The following GNG7 variants were observed in gnomAD, a reference collection of about 807,000 sequenced individuals.
GNG7 encodes guanine nucleotide-binding protein G(I)/G(S)/G(O) subunit gamma-7.
Under a neutral mutation model 4.0 loss-of-function variants are expected in GNG7, and 1 was observed. That is an observed-to-expected ratio of 0.25 (90% CI 0.09 to 1.18). The LOEUF is 1.18. GNG7 is among the 50% of genes most tolerant of loss of function. The pLI is 0.50. For synonymous variants in GNG7, 34 were observed against 36.9 expected (o/e 0.92, Z 0.29); for missense variants, 86 against 91.9 (o/e 0.94, Z 0.26).
chr19:2,596,135 G>A (rs1024606753), intron 2 of GNG7, among the ~76,000 whole-genome samples: 1 of 152,258 alleles, frequency 6.6e-6, no homozygotes, highest in East Asian at 1.9e-4. Flanking sequence ...GAGGCGGGCG[G>A]ATCACCTGAG....
At chr19:2,652,787 G>T (rs1047077374) in intron 1 of GNG7, among the ~76,000 whole-genome samples, 2 of 151,876 alleles carry the variant, frequency 1.3e-5, no homozygotes, top group Non-Finnish European at 2.9e-5. Context: ...ACCAGCTAAA[G>T]ATATTGTACT....
intron 2 of GNG7, among the ~76,000 whole-genome samples, chr19:2,586,379 G>A (rs537018562): frequency 2.0e-5 from 3 of 152,290 alleles, no homozygotes; most frequent in African/African-American, 4.8e-5. Context: ...TTCCCATTCC[G>A]CTCAGCAGGC....
At chr19:2,677,853 G>A (rs1983632695) in intron 1 of GNG7, among the ~76,000 whole-genome samples, 1 of 152,172 alleles carries the variant, frequency 6.6e-6, no homozygotes, top group Non-Finnish European at 1.5e-5. Context: ...ACGCTGCTCA[G>A]CACCCTACAG....
At chr19:2,613,356 C>A (rs539899457) in intron 2 of GNG7, among the ~76,000 whole-genome samples, 1 of 152,190 alleles carries the variant, frequency 6.6e-6, no homozygotes. Flanking sequence ...ATTGGAAGAG[C>A]AGGTGTCTAC....
chr19:2,604,405 A>AG (rs1424543521), intron 2 of GNG7, among the ~76,000 whole-genome samples: 1 of 148,984 alleles, frequency 6.7e-6, no homozygotes, highest in African/African-American at 2.5e-5. Flanking sequence ...CAGGAAGTCG[A>AG]GGCTGCAGTG....
Position 2,568,550 on chromosome 19 carries a change from TATATACACAC to T in GNG7, c.-77-13372_-77-13363del, listed in dbSNP as rs1183014170. ...GTGCACATATACACACATACACATA[TATATACACAC>T]ATATACACACATACACATGCACAAA... On this transcript the variant is annotated intron_variant, in intron 2 of 4. Transcript: ENST00000382159. Among the ~76,000 whole-genome samples, 19 of 147,108 alleles carry T rather than the reference TATATACACAC, an allele frequency of 1.3e-4. No individual in the cohort carries two copies. In the East Asian group the frequency reaches 3.8e-3, roughly 29 times the overall value.
intron 2 of GNG7, among the ~76,000 whole-genome samples, chr19:2,631,626 G>A (rs1454715510): frequency 1.3e-5 from 2 of 151,636 alleles, no homozygotes; most frequent in Non-Finnish European, 2.9e-5. Flanking sequence ...TACAAACAGG[G>A]AGTGGAGGGG....
intron 2 of GNG7, among the ~76,000 whole-genome samples, chr19:2,563,087 G>GGCGCCCACCACC (rs1460328445): frequency 6.6e-5 from 10 of 151,868 alleles, no homozygotes. Context: ...TGGGACTACA[G>GGCGCCCACCACC]GCGCCCACCA....
chr19:2,577,603 A>G (rs997887497), intron 2 of GNG7, among the ~76,000 whole-genome samples: 1 of 151,082 alleles, frequency 6.6e-6, no homozygotes, highest in African/African-American at 2.4e-5. Context: ...TGGGAGGCTG[A>G]GGCAGGAAAA....
intron 3 of GNG7, among the ~76,000 whole-genome samples, chr19:2,544,547 C>T (rs1418685133): frequency 6.6e-6 from 1 of 152,182 alleles, no homozygotes; most frequent in Non-Finnish European, 1.5e-5. Flanking sequence ...ACCCCCACCA[C>T]GCCCAGCTAA....
intron 1 of GNG7, among the ~76,000 whole-genome samples, chr19:2,650,254 C>T (rs1396030930): frequency 6.8e-5 from 10 of 147,940 alleles, no homozygotes; most frequent in African/African-American, 2.5e-4. Flanking sequence ...GGCACGATCT[C>T]GGCTCACGGC....
intron 3 of GNG7, among the ~76,000 whole-genome samples, chr19:2,554,912 G>A (rs1467169325): frequency 6.6e-6 from 1 of 152,210 alleles, no homozygotes; most frequent in East Asian, 1.9e-4. Context: ...CCTGCAAAAC[G>A]GAGAACGTCA....
At chr19:2,545,294 G>A (rs984478090) in intron 3 of GNG7, among the ~76,000 whole-genome samples, 38 of 152,156 alleles carry the variant, frequency 2.5e-4, no homozygotes, top group Non-Finnish European at 4.7e-4. Context: ...CCACCTCAGA[G>A]AACAATCTGG....
At chr19:2,657,399 T>TATACATAC (rs1332253018) in intron 1 of GNG7, among the ~76,000 whole-genome samples, 1 of 80,748 alleles carries the variant, frequency 1.2e-5, no homozygotes, top group African/African-American at 6.2e-5. Flanking sequence ...TATATATATA[T>TATACATAC]ACACATAATA....
At chr19:2,535,970 A>G (rs1395349321) in intron 3 of GNG7, among the ~76,000 whole-genome samples, 2 of 152,058 alleles carry the variant, frequency 1.3e-5, no homozygotes, top group Admixed American at 1.3e-4. Flanking sequence ...TACAAAAATA[A>G]GAAAATTAAC....
intron 1 of GNG7, among the ~76,000 whole-genome samples, chr19:2,676,565 T>A (rs1983598125): frequency 6.6e-6 from 1 of 152,102 alleles, no homozygotes; most frequent in Non-Finnish European, 1.5e-5. Context: ...GCGCGCACCA[T>A]CATGCTTGCC....
intron 2 of GNG7, among the ~76,000 whole-genome samples, chr19:2,607,401 C>T (rs11084947): frequency 0.78 from 117,059 of 150,390 alleles, 47,194 homozygotes; most frequent in Non-Finnish European, 0.89. Context: ...TGATGGCAGG[C>T]GCCTGTTATC....
intron 2 of GNG7, among the ~76,000 whole-genome samples, chr19:2,636,592 T>C (rs1297543395): frequency 6.6e-6 from 1 of 152,152 alleles, no homozygotes; most frequent in African/African-American, 2.4e-5. Flanking sequence ...GTGCATTCCC[T>C]GACTGCCTTA....
In GNG7 at chr19:2,557,012, T is replaced by C. The variant is rs1443741475; in HGVS notation, c.-77-1824A>G. Among the ~76,000 whole-genome samples the C allele has an allele frequency of 1.7e-5, 2 of 118,048 alleles. No individual in the cohort carries two copies. The highest frequency in any genetic ancestry group is 2.3e-4 in the East Asian group (1 of 4,320). The allele number at this position is 118,048 out of a possible 152,430, so 77.4% of individuals were successfully genotyped here. A position where few individuals can be genotyped will look rare whatever the true frequency, so the allele number is the denominator to read the frequency against. On this transcript the variant is annotated intron_variant, in intron 2 of 4. Transcript: ENST00000382159. The surrounding 1 kb of genome is among the most constrained non-coding windows in gnomAD (Gnocchi z 5.1). ...GGGGGGCTGCCTCCCCTCCCACCTC[T>C]ACACACACACACGCACACACAGACA...
Sources: gnomAD v4.1 joint callset for allele counts (sites outside exome capture counted in the v4.1 genomes callset) on GRCh38, gnomAD v4.1.1 for gene constraint, Gnocchi (gnomAD v3.1) non-coding constraint, MANE v1.5 for transcripts, NCBI Gene and HGNC (gene_info 2026-07-23, HGNC 2026-07-21) for gene names.